Variants in PCDH9 observed in about 807,000 individuals in gnomAD.
PCDH9 encodes the protein protocadherin 9.
A neutral mutation model predicts 70.6 loss-of-function variants in PCDH9; 24 were observed. That is an observed-to-expected ratio of 0.34 (90% CI 0.25 to 0.48). The LOEUF is 0.48. PCDH9 is among the 20% of genes least tolerant of loss of function. The pLI is 0.99. For missense variants in PCDH9, 1,281 were observed against 1,503.6 expected (o/e 0.85, Z 2.45); for synonymous variants, 562 against 558.5 (o/e 1.01, Z -0.09).
At chr13:66,914,013 G>C (rs1331046850) in intron 2 of PCDH9, among the ~76,000 whole-genome samples, 4 of 151,796 alleles carry the variant, frequency 2.6e-5, no homozygotes, top group Non-Finnish European at 5.9e-5. Context: ...GAATAGTTTA[G>C]AATAAATCAG....
chr13:66,885,881 CTAATTTGTATT>C (rs1035469392), intron 3 of PCDH9: 2 of 152,084 alleles, frequency 1.3e-5, no homozygotes, highest in Admixed American at 1.3e-4. Flanking sequence ...TATCTAAAAA[CTAATTTGTATT>C]TAAGGATATC....
intron 3 of PCDH9, among the ~76,000 whole-genome samples, chr13:66,847,607 T>C (rs1178913455): frequency 6.6e-6 from 1 of 152,220 alleles, no homozygotes; most frequent in East Asian, 1.9e-4. Context: ...TCCAGAGCTT[T>C]CACCTATTAA....
intron 4 of PCDH9, among the ~76,000 whole-genome samples, chr13:66,310,207 C>G (rs1317278737): frequency 6.6e-6 from 1 of 151,912 alleles, no homozygotes; most frequent in Non-Finnish European, 1.5e-5. Context: ...AAAACAAAAG[C>G]ACATAATGAA....
At chr13:66,532,249 C>A (rs900483825) in intron 4 of PCDH9, among the ~76,000 whole-genome samples, 5 of 151,954 alleles carry the variant, frequency 3.3e-5, no homozygotes, top group African/African-American at 1.2e-4. Context: ...AGCAATCCTC[C>A]TGTCTTGGCC....
intron 3 of PCDH9, among the ~76,000 whole-genome samples, chr13:66,717,919 G>A (rs2078892581): frequency 6.6e-6 from 1 of 152,060 alleles, no homozygotes; most frequent in Non-Finnish European, 1.5e-5. Context: ...GATCATTTTG[G>A]TATTCCCAAC....
chr13:66,625,708 T>C (rs1441950259), intron 4 of PCDH9, among the ~76,000 whole-genome samples: 1 of 151,296 alleles, frequency 6.6e-6, no homozygotes, highest in Non-Finnish European at 1.5e-5. Flanking sequence ...TCACCCAGGC[T>C]GTAGTGCTGT....
At chr13:66,358,638 G>A (rs1007991978) in intron 4 of PCDH9, among the ~76,000 whole-genome samples, 1 of 151,666 alleles carries the variant, frequency 6.6e-6, no homozygotes, top group African/African-American at 2.4e-5. Context: ...GTTGGCAACT[G>A]GATTTCAATA....
chr13:66,582,646 A>G (rs911138347), intron 4 of PCDH9, among the ~76,000 whole-genome samples: 5 of 152,136 alleles, frequency 3.3e-5, no homozygotes, highest in African/African-American at 7.2e-5. Flanking sequence ...AAATGAATAA[A>G]TAAATAAATA....
chr13:66,695,902 T>C (rs1054720655), intron 3 of PCDH9, among the ~76,000 whole-genome samples: 5 of 152,168 alleles, frequency 3.3e-5, no homozygotes, highest in African/African-American at 1.2e-4. Context: ...ATCAATGTTA[T>C]GGTTTATATT....
chr13:66,574,798 A>G (rs1003418781), intron 4 of PCDH9, among the ~76,000 whole-genome samples: 3 of 152,184 alleles, frequency 2.0e-5, no homozygotes, highest in African/African-American at 7.2e-5. Context: ...ACTGCTTCAT[A>G]GAAGCTGGCC....
intron 3 of PCDH9, among the ~76,000 whole-genome samples, chr13:66,806,787 G>A (rs770958718): frequency 3.9e-5 from 6 of 152,144 alleles, no homozygotes; most frequent in Non-Finnish European, 7.3e-5. Flanking sequence ...AGCACCTGCA[G>A]GCAAGCATTC....
intron 3 of PCDH9, among the ~76,000 whole-genome samples, chr13:66,822,958 T>C (rs977638941): frequency 2.6e-5 from 4 of 152,108 alleles, no homozygotes; most frequent in African/African-American, 9.6e-5. Flanking sequence ...TATATTTGTG[T>C]ATAAAACTCT....
chr13:66,416,969 T>C (rs41414744), intron 4 of PCDH9, among the ~76,000 whole-genome samples: 3,059 of 152,302 alleles, frequency 0.02, 125 homozygotes, highest in African/African-American at 0.07. Flanking sequence ...TATAATGTTA[T>C]GAAGTATTGG....
chr13:67,020,690 A>G (rs1330903942), intron 2 of PCDH9, among the ~76,000 whole-genome samples: 2 of 152,242 alleles, frequency 1.3e-5, no homozygotes, highest in African/African-American at 4.8e-5. Flanking sequence ...ATAAACAAAT[A>G]TCTGAAAAGA....
At chr13:66,844,863 A>T (rs2139437264) in intron 3 of PCDH9, among the ~76,000 whole-genome samples, 1 of 149,866 alleles carries the variant, frequency 6.7e-6, no homozygotes, top group African/African-American at 2.5e-5. Flanking sequence ...AAAGAAAATA[A>T]AATGTTAAAA....
At chr13:66,674,483 C>A (rs2078217207) in intron 3 of PCDH9, among the ~76,000 whole-genome samples, 1 of 152,012 alleles carries the variant, frequency 6.6e-6, no homozygotes, top group African/African-American at 2.4e-5. Flanking sequence ...CTGTAAATGA[C>A]CTCTGTGTTG....
chr13:66,829,717 C>CAAAAAA (rs562176354), intron 3 of PCDH9, among the ~76,000 whole-genome samples: 1,322 of 53,048 alleles, frequency 0.025, 268 homozygotes, highest in African/African-American at 0.078. Flanking sequence ...GACTCCGTCT[C>CAAAAAA]AAAAAAAAAA....
intron 3 of PCDH9, among the ~76,000 whole-genome samples, chr13:66,773,709 G>C (rs1461315695): frequency 1.3e-5 from 2 of 151,458 alleles, no homozygotes; most frequent in African/African-American, 4.8e-5. Flanking sequence ...AACCACATGT[G>C]ACTAGTGGCT....
Position 67,225,583 on chromosome 13 carries a change from T to C in PCDH9, c.2858A>G (p.Asp953Gly). The stretch of plus-strand genomic sequence containing the variant: ...GTGCTTTTTCACGGAAACTGGAGTG[T>C]CTGGTTTGAGATGAAAAGCAGGCTG... ...SPQPAFHLKP[D>G]TPVSVKKHHV... Residue 953 changes from aspartate to glycine, a missense_variant, in exon 2 of 5, where the codon GAC becomes GGC. Physicochemically the swap from Asp to Gly is moderately conservative, Grantham distance 94. Transcript: ENST00000377865. The C allele has an allele frequency of 6.2e-7, 1 of 1,614,086 alleles. No homozygotes were observed. Among genetic ancestry groups the C allele is most frequent in the Non-Finnish European group, 8.5e-7 (1 of 1,180,002 alleles).
Sources: allele counts gnomAD v4.1 joint callset (sites outside exome capture counted in the v4.1 genomes callset), GRCh38; gene constraint gnomAD v4.1.1; transcripts MANE v1.5; gene names NCBI Gene and HGNC (gene_info 2026-07-23, HGNC 2026-07-21).